Variants in BLACAT1 observed in about 807,000 individuals in gnomAD.
BLACAT1 encodes BLACAT1 overlapping LEMD1 locus.
intron 1 of BLACAT1, among the ~76,000 whole-genome samples, chr1:205,447,866 G>T (rs1666430273): frequency 6.6e-6 from 1 of 152,144 alleles, no homozygotes. Context: ...TCCTTACACA[G>T]AAAAAAGGCT....
At chr1:205,446,773 G>A (rs1666395931) in intron 1 of BLACAT1, among the ~76,000 whole-genome samples, 1 of 152,200 alleles carries the variant, frequency 6.6e-6, no homozygotes, top group Non-Finnish European at 1.5e-5. Flanking sequence ...CTCTGGGTGA[G>A]AGAACCCAGA....
chr1:205,453,391 C>T (rs1666521338), intron 1 of BLACAT1, among the ~76,000 whole-genome samples: 1 of 152,202 alleles, frequency 6.6e-6, no homozygotes. Flanking sequence ...AAAGGATGGA[C>T]AGCTCAGGTT....
chr1:205,440,978 T>G (rs555619844), exon 2 of BLACAT1: 15 of 152,582 alleles, frequency 9.8e-5, no homozygotes, highest in African/African-American at 3.6e-4. Flanking sequence ...CTCTTCATTT[T>G]GCAGAAGCCG....
chr1:205,439,105 C>T (rs1666253019), downstream of BLACAT1, among the ~76,000 whole-genome samples: 1 of 152,210 alleles, frequency 6.6e-6, no homozygotes, highest in African/African-American at 2.4e-5. Context: ...ACATGCCCTC[C>T]AGGAGGCTCT....
At position 205,448,448 on chromosome 1, in the gene BLACAT1, C is replaced by A; in HGVS notation, c.-36-7386G>T. The A allele has an allele frequency of 1.9e-6, 1 of 529,674 alleles. No homozygotes were observed. The allele number at this position is 529,674 out of a possible 1,614,324, so 32.8% of individuals were successfully genotyped here. On this transcript the variant is annotated intron_variant, in intron 1 of 1. Coordinates refer to ENST00000629624, the Ensembl canonical transcript of BLACAT1. The surrounding 1 kb of genome is among the most constrained non-coding windows in gnomAD (Gnocchi z 4.7). ...ATAGGGAAGCGAGAAGCTGGGGCAC[C>A]CGAGAAGCCCTCACTCCCCTTCTCA...
chr1:205,449,574 GCACAGCACAGCACAGCACACAGCA>G (rs1054768083), intron 1 of BLACAT1, among the ~76,000 whole-genome samples: 25 of 152,042 alleles, frequency 1.6e-4, no homozygotes, highest in Admixed American at 8.5e-4. Flanking sequence ...CCCAACAACA[GCACAGCACAGCACAGCACACAGCA>G]CACAGCACAG....
chr1:205,452,953 G>A (rs1666515826), intron 1 of BLACAT1, among the ~76,000 whole-genome samples: 2 of 152,214 alleles, frequency 1.3e-5, no homozygotes, highest in African/African-American at 4.8e-5. Flanking sequence ...AAGCTCTCCT[G>A]TATTTCAGGC....
chr1:205,440,190 G>A (rs1226040642), exon 2 of BLACAT1, among the ~76,000 whole-genome samples: 1 of 152,202 alleles, frequency 6.6e-6, no homozygotes, highest in Non-Finnish European at 1.5e-5. Flanking sequence ...GTCAGGGCCT[G>A]GGGAACAGGC....
chr1:205,447,682 G>A (rs1044488389), intron 1 of BLACAT1, among the ~76,000 whole-genome samples: 4 of 151,972 alleles, frequency 2.6e-5, no homozygotes, highest in African/African-American at 4.8e-5. Flanking sequence ...TTCACACACC[G>A]CAGGAGGGGG....
rs762909668 is a variant in BLACAT1 at position 205,448,315 on chromosome 1, C to T, written c.-36-7253G>A. On this transcript the variant is annotated intron_variant, in intron 1 of 1. Transcript: ENST00000629624. This position sits in a 1 kb window ranked among gnomAD's most constrained non-coding sequence, Gnocchi z 4.7. ...TGCGCAGGAGAAGGAGCTCGCCCCT[C>T]ACTGTAGCCCATGGCTTTTAGCCCT... 1 of 531,920 alleles carries T rather than the reference C, an allele frequency of 1.9e-6. No homozygotes were observed. The highest frequency in any genetic ancestry group is 3.9e-6 in the Non-Finnish European group (1 of 257,760). 33.0% of individuals were successfully genotyped at this position (531,920 alleles called of 1,614,324 possible).
rs922761935 is a variant in BLACAT1 at position 205,441,392 on chromosome 1, T to G, written c.-36-330A>C. On this transcript the variant is annotated intron_variant, in intron 1 of 1. Coordinates refer to ENST00000629624, the Ensembl canonical transcript of BLACAT1. The surrounding 1 kb of genome is among the most constrained non-coding windows in gnomAD (Gnocchi z 4.3). ...CTGCCCCACCTCATCACCATATACC[T>G]GTGGTTGGGGAACAGGAAGCAAGCT... Among the ~76,000 whole-genome samples, 10 of 152,000 alleles carry G rather than the reference T, an allele frequency of 6.6e-5. No homozygotes were observed. Among genetic ancestry groups the G allele is most frequent in the Admixed American group, 4.6e-4 (7 of 15,254 alleles).
At chr1:205,443,742 G>A (rs975425810) in intron 1 of BLACAT1, among the ~76,000 whole-genome samples, 6 of 152,216 alleles carry the variant, frequency 3.9e-5, no homozygotes, top group Admixed American at 2.0e-4. Context: ...TCCATGCCCC[G>A]GAGGCTGCCT....
At chr1:205,455,213 G>T (rs1376059671) in intron 1 of BLACAT1, among the ~76,000 whole-genome samples, 1 of 152,202 alleles carries the variant, frequency 6.6e-6, no homozygotes, top group Admixed American at 6.5e-5. Context: ...GGGCCCCAGG[G>T]ATGGGGAGGC....
Position 205,448,422 on chromosome 1 carries a change from C to A in BLACAT1, c.-36-7360G>T, listed in dbSNP as rs769424562. On this transcript the variant is annotated intron_variant, in intron 1 of 1. Coordinates refer to ENST00000629624, the Ensembl canonical transcript of BLACAT1. The surrounding 1 kb of genome is among the most constrained non-coding windows in gnomAD (Gnocchi z 4.7). ...TGGAGGGGTCCAGCGGCAGGAATCTCATAGGGAAGCGAGAAGCTGGGGCAC... is the reference window on the plus strand; with the variant it reads ...TGGAGGGGTCCAGCGGCAGGAATCTAATAGGGAAGCGAGAAGCTGGGGCAC... 1 of 533,434 alleles carries A rather than the reference C, an allele frequency of 1.9e-6. No homozygotes were observed. Among genetic ancestry groups the A allele is most frequent in the South Asian group, 1.4e-5 (1 of 71,484 alleles). 33.0% of individuals were successfully genotyped at this position (533,434 alleles called of 1,614,324 possible).
At chr1:205,449,570 AACAGCACAGCACAGCACAGCACACAGCAC>A (rs1666459080) in intron 1 of BLACAT1, among the ~76,000 whole-genome samples, 1 of 152,096 alleles carries the variant, frequency 6.6e-6, no homozygotes, top group Non-Finnish European at 1.5e-5. Context: ...ATTCCCCAAC[AACAGCACAGCACAGCACAGCACACAGCAC>A]ACAGCACAGC....
In BLACAT1 at chr1:205,448,177, G is replaced by A; in HGVS notation, c.-36-7115C>T. On this transcript the variant is annotated intron_variant, in intron 1 of 1. Transcript: ENST00000629624. The surrounding 1 kb of genome is among the most constrained non-coding windows in gnomAD (Gnocchi z 4.7). ...GAAGTGACTGGGCCAAGGTCACACGGCTTAGCCCCGATCCCAGGTTACCAG... is the reference window on the plus strand; with the variant it reads ...GAAGTGACTGGGCCAAGGTCACACGACTTAGCCCCGATCCCAGGTTACCAG... The A allele has an allele frequency of 2.3e-6, 1 of 427,924 alleles. No homozygotes were observed. Among genetic ancestry groups the A allele is most frequent in the East Asian group, 5.9e-5 (1 of 17,010 alleles). The allele number at this position is 427,924 out of a possible 1,614,324, so 26.5% of individuals were successfully genotyped here.
chr1:205,442,511 C>T (rs1666311913), intron 1 of BLACAT1, among the ~76,000 whole-genome samples: 1 of 152,190 alleles, frequency 6.6e-6, no homozygotes, highest in Admixed American at 6.5e-5. Context: ...CCACACCAAG[C>T]ACAGTGCCCG....
chr1:205,444,171 G>A (rs1666343792), intron 1 of BLACAT1, among the ~76,000 whole-genome samples: 1 of 152,016 alleles, frequency 6.6e-6, no homozygotes, highest in South Asian at 2.1e-4. Flanking sequence ...GAGGGACTAA[G>A]GAATGGAAAA....
intron 1 of BLACAT1, among the ~76,000 whole-genome samples, chr1:205,451,048 A>C (rs1178180103): frequency 6.6e-6 from 1 of 152,128 alleles, no homozygotes. Context: ...TGGTGGTGAG[A>C]ACTGGGGCCC....
Sources: gnomAD v4.1 joint callset for allele counts (sites outside exome capture counted in the v4.1 genomes callset) on GRCh38, gnomAD v4.1.1 for gene constraint, Gnocchi (gnomAD v3.1) non-coding constraint, MANE v1.5 for transcripts, NCBI Gene and HGNC (gene_info 2026-07-23, HGNC 2026-07-21) for gene names.